JAK1: variants seen among roughly 807,000 people sequenced by gnomAD.
The protein encoded by JAK1 is tyrosine-protein kinase JAK1.
A neutral mutation model predicts 136.6 loss-of-function variants in JAK1; 16 were observed. The ratio of observed to expected loss-of-function variants is 0.12; its 90% CI spans 0.08 to 0.18. The LOEUF (loss-of-function observed/expected upper bound fraction) is 0.18, where lower values mean the gene tolerates loss of function less well. Among genes scored for constraint, JAK1 ranks in the 10% least tolerant of loss-of-function variants. The probability of loss-of-function intolerance (pLI) is 1.00; values close to 1 mark genes in which losing one functional copy is unlikely to be tolerated. For synonymous variants in JAK1, 492 were observed against 519.5 expected (o/e 0.95, Z 0.72); for missense variants, 859 against 1,450.1 (o/e 0.59, Z 6.62).
chr1:64,986,811 G>A (rs1646604133), intron 2 of JAK1, among the ~76,000 whole-genome samples: 1 of 152,086 alleles, frequency 6.6e-6, no homozygotes, highest in Admixed American at 6.6e-5. Context: ...GGTCAAGGCT[G>A]CAGTGAGCCA....
intron 1 of JAK1, among the ~76,000 whole-genome samples, chr1:64,936,295 T>C (rs573570848): frequency 6.6e-6 from 1 of 152,304 alleles, no homozygotes; most frequent in East Asian, 1.9e-4. Flanking sequence ...CAAATAAGCC[T>C]CTACATTTAC....
chr1:64,987,539 A>G (rs1255719959), intron 2 of JAK1: 1 of 152,236 alleles, frequency 6.6e-6, no homozygotes, highest in African/African-American at 2.4e-5. Context: ...CCTGGTGTGG[A>G]TGGTTAGGCA....
In JAK1 at chr1:65,029,177, G is replaced by A. The variant is rs139950341; in HGVS notation, c.-78+15303C>T. ...AGTGGCATGATCATAGCTCACTGCA[G>A]CCTCAAACTCCAGGGCTCAGGTGAT... is the stretch of plus-strand genomic sequence containing the variant. On this transcript the variant is annotated intron_variant, in intron 2 of 25. Coordinates refer to the JAK1 transcript ENST00000671954. 3.9e-5 allele frequency among the ~76,000 whole-genome samples: 6 copies of A among 152,158 alleles called. No homozygotes were observed. The East Asian group carries it at 1.2e-3, about 29-fold the overall frequency.
At chr1:65,041,386 T>C (rs897301080) in intron 2 of JAK1, among the ~76,000 whole-genome samples, 4 of 152,184 alleles carry the variant, frequency 2.6e-5, no homozygotes, top group African/African-American at 9.7e-5. Flanking sequence ...TTCCTCTGCA[T>C]CTCAAATGTG....
At chr1:64,982,144 C>T (rs1372576293) in intron 2 of JAK1, among the ~76,000 whole-genome samples, 1 of 151,654 alleles carries the variant, frequency 6.6e-6, no homozygotes, top group Non-Finnish European at 1.5e-5. Context: ...ACACATACAA[C>T]CAGGGAAGCA....
intron 2 of JAK1, among the ~76,000 whole-genome samples, chr1:65,031,419 A>G (rs951334749): frequency 1.3e-5 from 2 of 152,264 alleles, no homozygotes; most frequent in African/African-American, 4.8e-5. Context: ...ACTGCCCTGT[A>G]CTTTTTAAAA....
intron 1 of JAK1, among the ~76,000 whole-genome samples, chr1:64,932,693 C>T (rs1180180375): frequency 1.3e-5 from 2 of 152,128 alleles, no homozygotes; most frequent in Non-Finnish European, 2.9e-5. Flanking sequence ...TCAGCTACTC[C>T]TAACACTAAC....
intron 2 of JAK1, chr1:64,993,650 G>C (rs555831756): frequency 6.6e-6 from 1 of 151,722 alleles, no homozygotes; most frequent in Admixed American, 6.6e-5. Context: ...ATTTATTTAT[G>C]TATTTATTTA....
In JAK1 at chr1:64,833,445, C is replaced by A. The variant is rs1047331297; in HGVS notation, c.*1117G>T. 4.3e-6 allele frequency: 1 copy of A among 232,942 alleles called. No homozygotes were observed. The highest frequency in any genetic ancestry group is 8.5e-6 in the Non-Finnish European group (1 of 117,700). The allele number at this position is 232,942 out of a possible 1,614,324, so 14.4% of individuals were successfully genotyped here. The stretch of plus-strand genomic sequence containing the variant: ...AGCATAACAAAAAGATTTTCAGACT[C>A]TTGGTCATAAAGACCGTAATCGTTC... On this transcript the variant is annotated 3_prime_UTR_variant, in exon 25 of 25. Transcript: ENST00000342505.
intron 1 of JAK1, among the ~76,000 whole-genome samples, chr1:64,936,160 G>T (rs969079861): frequency 2.0e-5 from 3 of 152,162 alleles, no homozygotes; most frequent in African/African-American, 7.2e-5. Context: ...CAAGATCAAA[G>T]ATTAAGCAAC....
chr1:64,920,309 G>A (rs1439732439), intron 1 of JAK1, among the ~76,000 whole-genome samples: 1 of 152,120 alleles, frequency 6.6e-6, no homozygotes, highest in Non-Finnish European at 1.5e-5. Context: ...GGAGGCCAAG[G>A]CAGGTGGATC....
intron 13 of JAK1, 105 bp from the exon 14 acceptor site, chr1:64,846,841 C>G: frequency 1.3e-6 from 1 of 779,002 alleles, no homozygotes. Context: ...AAGCTCACCA[C>G]TGTCGCCACC....
At chr1:64,919,715 C>A (rs553331297) in intron 1 of JAK1, among the ~76,000 whole-genome samples, 1 of 152,216 alleles carries the variant, frequency 6.6e-6, no homozygotes, top group Admixed American at 6.5e-5. Flanking sequence ...CATCATTTGC[C>A]AATTTGTGCC....
intron 1 of JAK1, among the ~76,000 whole-genome samples, chr1:65,051,898 A>C (rs1468094221): frequency 1.3e-5 from 2 of 152,222 alleles, no homozygotes; most frequent in Non-Finnish European, 2.9e-5. Context: ...AGCATGTATT[A>C]CAACCCGAAA....
chr1:64,960,514 T>C (rs2100625680), intron 1 of JAK1, among the ~76,000 whole-genome samples: 1 of 152,288 alleles, frequency 6.6e-6, no homozygotes, highest in Admixed American at 6.5e-5. Flanking sequence ...AGAGGTACCA[T>C]AAATTGATGT....
At chr1:64,942,764 T>C (rs1167379620) in intron 1 of JAK1, among the ~76,000 whole-genome samples, 1 of 152,180 alleles carries the variant, frequency 6.6e-6, no homozygotes, top group Non-Finnish European at 1.5e-5. Context: ...GATACTTTTT[T>C]CTCCTAAAAT....
chr1:65,016,218 T>C (rs1341014609), intron 2 of JAK1, among the ~76,000 whole-genome samples: 1 of 152,218 alleles, frequency 6.6e-6, no homozygotes, highest in Non-Finnish European at 1.5e-5. Flanking sequence ...TTTTACTTAC[T>C]AGTTACTGAG....
Position 64,835,378 on chromosome 1 carries a change from G to C in JAK1, c.3369+18C>G. 7.5e-7 allele frequency: 1 copy of C among 1,328,916 alleles called. No homozygotes were observed. Among genetic ancestry groups the C allele is most frequent in the South Asian group, 1.3e-5 (1 of 79,522 alleles). 82.3% of individuals were successfully genotyped at this position (1,328,916 alleles called of 1,614,324 possible). On this transcript the variant is annotated intron_variant, in intron 24 of 24. Transcript: ENST00000342505. ...AATAGAAATGGAGTGTTATTACTGTGACGTGGCCCATAGATACCTCATCTG... is the reference window on the plus strand; with the variant it reads ...AATAGAAATGGAGTGTTATTACTGTCACGTGGCCCATAGATACCTCATCTG...
chr1:64,865,748 G>A (rs186839758), intron 7 of JAK1, among the ~76,000 whole-genome samples: 1 of 152,228 alleles, frequency 6.6e-6, no homozygotes, highest in East Asian at 1.9e-4. Context: ...GAGAAAATGA[G>A]TCTCATATTT....
Sources: allele counts gnomAD v4.1 joint callset (sites outside exome capture counted in the v4.1 genomes callset), GRCh38; gene constraint gnomAD v4.1.1; transcripts MANE v1.5; gene names NCBI Gene and HGNC (gene_info 2026-07-23, HGNC 2026-07-21).